The following KCNV1 variants were observed in gnomAD, a reference collection of about 807,000 sequenced individuals.
The protein encoded by KCNV1 is potassium voltage-gated channel subfamily V member 1.
KCNV1 carries 2 observed loss-of-function variants against 36.4 expected under a neutral mutation model. The observed-to-expected ratio is 0.05, with a 90% CI of 0.02 to 0.17. The LOEUF (loss-of-function observed/expected upper bound fraction) is 0.17, where lower values mean the gene tolerates loss of function less well. Among genes scored for constraint, KCNV1 ranks in the 10% least tolerant of loss-of-function variants. KCNV1 has a pLI of 1.00. For missense variants in KCNV1, 321 were observed against 643.6 expected, an observed-to-expected ratio of 0.50 and a Z score of 5.42; for synonymous variants, 280 against 261.1, an observed-to-expected ratio of 1.07 and a Z score of -0.70.
At position 109,974,052 on chromosome 8, in the gene KCNV1, C is replaced by T; in HGVS notation, c.337G>A (p.Val113Ile). The T allele has an allele frequency of 6.2e-7, 1 of 1,613,420 alleles. No individual in the cohort carries two copies. Among genetic ancestry groups the T allele is most frequent in the East Asian group, 2.2e-5 (1 of 44,876 alleles). The change falls in exon 2 of 4, where the codon GTC (valine) becomes ATC (isoleucine). Residue 113 changes from valine to isoleucine, a missense_variant. Physicochemically the swap from Val to Ile is conservative, Grantham distance 29 (BLOSUM62 3). This residue lies in a region of KCNV1 where 60 missense variants were observed against 160.5 expected (regional missense o/e 0.37). Coordinates refer to ENST00000524391, the MANE Select transcript of KCNV1 (RefSeq NM_014379.4). The surrounding 1 kb of genome is among the most constrained non-coding windows in gnomAD (Gnocchi z 6.2). Reference sequence around the variant, plus strand: ...CGGCCGGTGCGGTAGTAGTGCAGGACATATCGGAACGCCTGCGAGCTGCGG... The same window carrying T: ...CGGCCGGTGCGGTAGTAGTGCAGGATATATCGGAACGCCTGCGAGCTGCGG... ...FDRSSQAFRY[V>I]LHYYRTGRLH...
intron 2 of KCNV1, among the ~76,000 whole-genome samples, chr8:109,973,659 A>G (rs1026228941): frequency 8.5e-5 from 13 of 152,182 alleles, no homozygotes; most frequent in African/African-American, 3.1e-4. Context: ...CCAAATATTT[A>G]TTGTGGGCCT....
chr8:109,972,655 A>G lies in KCNV1; in HGVS notation c.594T>C (p.Asn198=). The part of the protein sequence containing the change: ...PCPTVRQKLW[N]ILEKPGSSTA... ...TGGAAGATCCAGGTTTCTCCAGGAT[A>G]TTCCAGAGCTTCTGGCGAACAGTGG... Residue 198 remains asparagine (N), a synonymous_variant, in exon 3 of 4, where the codon AAT becomes AAC. Coordinates refer to ENST00000524391, the MANE Select transcript of KCNV1 (RefSeq NM_014379.4). This position sits in a 1 kb window ranked among gnomAD's most constrained non-coding sequence, Gnocchi z 5.2. The G allele has an allele frequency of 1.9e-6, 3 of 1,614,192 alleles. No homozygotes were observed. Among genetic ancestry groups the G allele is most frequent in the South Asian group, 1.1e-5 (1 of 91,082 alleles).
intron 3 of KCNV1, among the ~76,000 whole-genome samples, chr8:109,971,846 G>A (rs573188473): frequency 2.2e-4 from 33 of 152,182 alleles, no homozygotes; most frequent in East Asian, 7.7e-4. Context: ...AGCACTTCTC[G>A]GATACTGAAG....
rs559448534 is a variant in KCNV1, at chr8:109,964,920, C to T, written c.*3168G>A. Reference sequence around the variant, plus strand: ...TTAATACCTGGGTGATGAAATAATCCGTGCAAAAAAACTCTCATGACACAA... The same window carrying T: ...TTAATACCTGGGTGATGAAATAATCTGTGCAAAAAAACTCTCATGACACAA... On this transcript the variant is annotated 3_prime_UTR_variant, in exon 4 of 4. Transcript: ENST00000524391. The T allele has an allele frequency of 2.0e-5, 3 of 152,138 alleles. No individual in the cohort carries two copies. Among genetic ancestry groups the T allele is most frequent in the African/African-American group, 7.2e-5 (3 of 41,516 alleles). The allele number at this position is 152,138 out of a possible 1,614,324, so 9.4% of individuals were successfully genotyped here.
At chr8:109,969,715 C>T (rs970155487) in intron 3 of KCNV1, among the ~76,000 whole-genome samples, 3 of 151,866 alleles carry the variant, frequency 2.0e-5, no homozygotes, top group East Asian at 1.9e-4. Context: ...CGTGGTGGTG[C>T]GTGCCTGTAA....
rs763134355 is a variant in KCNV1, at chr8:109,974,674, C to G, written c.-286G>C. 4.0e-6 allele frequency: 2 copies of G among 495,018 alleles called. No homozygotes were observed. The highest frequency in any genetic ancestry group is 7.7e-5 in the Admixed American group (2 of 26,078). The allele number at this position is 495,018 out of a possible 1,614,324, so 30.7% of individuals were successfully genotyped here. A position where few individuals can be genotyped will look rare whatever the true frequency, so the allele number is the denominator to read the frequency against. ...GAGAGGATCAGGTGAGGTCCAAGCCCGACACAGTCCCTGTGCACACTGCCG... is the reference window on the plus strand; with the variant it reads ...GAGAGGATCAGGTGAGGTCCAAGCCGGACACAGTCCCTGTGCACACTGCCG... On this transcript the variant is annotated 5_prime_UTR_variant, in exon 2 of 4. Transcript: ENST00000524391. This position sits in a 1 kb window ranked among gnomAD's most constrained non-coding sequence, Gnocchi z 6.2.
chr8:109,971,073 C>T (rs1244638337), intron 3 of KCNV1, among the ~76,000 whole-genome samples: 1 of 152,092 alleles, frequency 6.6e-6, no homozygotes, highest in Non-Finnish European at 1.5e-5. Flanking sequence ...GGACAACTAC[C>T]ATCAACCTTT....
Position 109,974,673 on chromosome 8 carries a change from C to A in KCNV1, c.-285G>T, listed in dbSNP as rs1820059273. 1 of 498,040 alleles carries A rather than the reference C, an allele frequency of 2.0e-6. No individual in the cohort carries two copies. The highest frequency in any genetic ancestry group is 3.5e-5 in the East Asian group (1 of 28,660). 30.9% of individuals were successfully genotyped at this position (498,040 alleles called of 1,614,324 possible). A position where few individuals can be genotyped will look rare whatever the true frequency, so the allele number is the denominator to read the frequency against. Reference sequence around the variant, plus strand: ...AGAGAGGATCAGGTGAGGTCCAAGCCCGACACAGTCCCTGTGCACACTGCC... The same window carrying A: ...AGAGAGGATCAGGTGAGGTCCAAGCACGACACAGTCCCTGTGCACACTGCC... On this transcript the variant is annotated 5_prime_UTR_variant, in exon 2 of 4. Coordinates refer to ENST00000524391, the MANE Select transcript of KCNV1 (RefSeq NM_014379.4). This position sits in a 1 kb window ranked among gnomAD's most constrained non-coding sequence, Gnocchi z 6.2.
At position 109,972,926 on chromosome 8, in the gene KCNV1, G is replaced by A. The variant is rs1820029698; in HGVS notation, c.462-139C>T. 1 of 634,572 alleles carries A rather than the reference G, an allele frequency of 1.6e-6. No individual in the cohort carries two copies. The highest frequency in any genetic ancestry group is 2.7e-6 in the Non-Finnish European group (1 of 372,578). The allele number at this position is 634,572 out of a possible 1,614,324, so 39.3% of individuals were successfully genotyped here. On this transcript the variant is annotated intron_variant, in intron 2 of 3. Coordinates refer to ENST00000524391, the MANE Select transcript of KCNV1 (RefSeq NM_014379.4). This position sits in a 1 kb window ranked among gnomAD's most constrained non-coding sequence, Gnocchi z 5.2. ...TGTCTATTCATATTTTACTTAGGTT[G>A]TGTCTTACCCACAGTATTCAGAATT...
chr8:109,974,297 T>A lies in KCNV1; in HGVS notation c.92A>T (p.Glu31Val). 1 of 1,545,780 alleles carries A rather than the reference T, an allele frequency of 6.5e-7. No homozygotes were observed. The highest frequency in any genetic ancestry group is 8.7e-7 in the Non-Finnish European group (1 of 1,149,212). ...GTCCCCGAGCGCCAAGGGCTCCCCT[T>A]CACCCTCGCTGCAGAAGACACTAGA... ...LDSSVFCSEG[E>V]GEPLALGDCF... Residue 31 changes from glutamate (E) to valine (V), a missense_variant, in exon 2 of 4, where the codon GAA becomes GTA. This residue lies in a region of KCNV1 where 39 missense variants were observed against 50.8 expected (regional missense o/e 0.77). Transcript: ENST00000524391. The surrounding 1 kb of genome is among the most constrained non-coding windows in gnomAD (Gnocchi z 6.2).
Position 109,968,726 on chromosome 8 carries a change from G to A in KCNV1, c.992-127C>T, listed in dbSNP as rs1263775710. The A allele has an allele frequency of 3.3e-6, 3 of 903,582 alleles. No individual in the cohort carries two copies. The highest frequency in any genetic ancestry group is 5.7e-5 in the Admixed American group (2 of 35,184). The allele number at this position is 903,582 out of a possible 1,614,324, so 56.0% of individuals were successfully genotyped here. ...TGCACACTTAAATGTCCCCAGCACT[G>A]GGCAATGTTCTGGGGATACAAAGTT... On this transcript the variant is annotated intron_variant, in intron 3 of 3. Transcript: ENST00000524391. The surrounding 1 kb of genome is among the most constrained non-coding windows in gnomAD (Gnocchi z 5.3).
chr8:109,969,852 G>GAAAAAAAAAAAAA (rs199693742), intron 3 of KCNV1, among the ~76,000 whole-genome samples: 3 of 86,482 alleles, frequency 3.5e-5, no homozygotes, highest in East Asian at 4.0e-4. Flanking sequence ...CTCAAAAAAA[G>GAAAAAAAAAAAAA]AAAAAAAAAA....
At position 109,972,125 on chromosome 8, in the gene KCNV1, G is replaced by T; in HGVS notation, c.991+133C>A. 1 of 917,860 alleles carries T rather than the reference G, an allele frequency of 1.1e-6. No individual in the cohort carries two copies. The highest frequency in any genetic ancestry group is 1.8e-5 in the South Asian group (1 of 54,926). 56.9% of individuals were successfully genotyped at this position (917,860 alleles called of 1,614,324 possible). A position where few individuals can be genotyped will look rare whatever the true frequency, so the allele number is the denominator to read the frequency against. ...TTTTGCCTCCCAATATCTCCTTAGAGGTCATGATCAGGTAAAGTATGGGAG... is the reference window on the plus strand; with the variant it reads ...TTTTGCCTCCCAATATCTCCTTAGATGTCATGATCAGGTAAAGTATGGGAG... On this transcript the variant is annotated intron_variant, in intron 3 of 3. Transcript: ENST00000524391. The surrounding 1 kb of genome is among the most constrained non-coding windows in gnomAD (Gnocchi z 5.2).
In KCNV1 at chr8:109,964,687, T is replaced by G. The variant is rs575596656; in HGVS notation, c.*3401A>C. 6.6e-6 allele frequency: 1 copy of G among 152,340 alleles called. No homozygotes were observed. Among genetic ancestry groups the G allele is most frequent in the African/African-American group, 2.4e-5 (1 of 41,584 alleles). 9.4% of individuals were successfully genotyped at this position (152,340 alleles called of 1,614,324 possible). On this transcript the variant is annotated 3_prime_UTR_variant, in exon 4 of 4. Coordinates refer to ENST00000524391, the MANE Select transcript of KCNV1 (RefSeq NM_014379.4). ...TATGAAAGAATGAGATCATGTCATT[T>G]GCAGGGACATGGATGGAGCTGGAGG... is the stretch of plus-strand genomic sequence containing the variant.
In KCNV1 at chr8:109,968,612, A is replaced by T; in HGVS notation, c.992-13T>A. 4.5e-6 allele frequency: 7 copies of T among 1,563,212 alleles called. No homozygotes were observed. The highest frequency in any genetic ancestry group is 4.4e-6 in the Non-Finnish European group (5 of 1,149,158). On this transcript the variant is annotated splice_polypyrimidine_tract_variant and intron_variant, in intron 3 of 3. Coordinates refer to ENST00000524391, the MANE Select transcript of KCNV1 (RefSeq NM_014379.4). The surrounding 1 kb of genome is among the most constrained non-coding windows in gnomAD (Gnocchi z 5.3). Reference sequence around the variant, plus strand: ...AGGGAGCGTAATCCTGCAACAGAACAAATGCTGTCAGTCATTGGCATCCCT... The same window carrying T: ...AGGGAGCGTAATCCTGCAACAGAACTAATGCTGTCAGTCATTGGCATCCCT...
rs1819929953 is a variant in KCNV1, at chr8:109,965,145, T to C, written c.*2943A>G. 6.6e-6 allele frequency: 1 copy of C among 152,304 alleles called. No homozygotes were observed. The highest frequency in any genetic ancestry group is 1.5e-5 in the Non-Finnish European group (1 of 68,050). 9.4% of individuals were successfully genotyped at this position (152,304 alleles called of 1,614,324 possible). A position where few individuals can be genotyped will look rare whatever the true frequency, so the allele number is the denominator to read the frequency against. On this transcript the variant is annotated 3_prime_UTR_variant, in exon 4 of 4. Transcript: ENST00000524391. ...ATGGTGTGAACCCAAGAGGTGGAGC[T>C]TGCAGTGAGCCGAGATCGCGCCACT...
rs959305646 is a variant in KCNV1 at position 109,964,485 on chromosome 8, C to A, written c.*3603G>T. ...AGAAATACCACTGGATCCAGCAATCCCATTAATGGGTATATACCCAAGAAA... is the reference window on the plus strand; with the variant it reads ...AGAAATACCACTGGATCCAGCAATCACATTAATGGGTATATACCCAAGAAA... On this transcript the variant is annotated 3_prime_UTR_variant, in exon 4 of 4. Coordinates refer to ENST00000524391, the MANE Select transcript of KCNV1 (RefSeq NM_014379.4). 7.9e-5 allele frequency: 12 copies of A among 152,094 alleles called. No individual in the cohort carries two copies. The highest frequency in any genetic ancestry group is 2.9e-4 in the African/African-American group (12 of 41,400). The allele number at this position is 152,094 out of a possible 1,614,324, so 9.4% of individuals were successfully genotyped here. A position where few individuals can be genotyped will look rare whatever the true frequency, so the allele number is the denominator to read the frequency against.
rs573101237 is a variant in KCNV1, at chr8:109,970,056, C to T, written c.992-1457G>A. On this transcript the variant is annotated intron_variant, in intron 3 of 3. Coordinates refer to ENST00000524391, the MANE Select transcript of KCNV1 (RefSeq NM_014379.4). ...ATCATTTTTTGTTTTTATTCACTCA[C>T]TAGAGACTATTTCAAAGGCATTAGC... 3.9e-5 allele frequency among the ~76,000 whole-genome samples: 6 copies of T among 152,228 alleles called. No homozygotes were observed. The South Asian group carries it at 1.2e-3, about 32-fold the overall frequency.
At position 109,975,078 on chromosome 8, in the gene KCNV1, G is replaced by C. The variant is rs1375677340; in HGVS notation, c.-690C>G. ...GTTCGCTGGGGGTGTGAGCAGGTGG[G>C]GGAGGGTTCTCTGGGTGAGGGGGCC... is the stretch of plus-strand genomic sequence containing the variant. On this transcript the variant is annotated 5_prime_UTR_variant, in exon 2 of 4. Coordinates refer to ENST00000524391, the MANE Select transcript of KCNV1 (RefSeq NM_014379.4). 6.6e-6 allele frequency: 1 copy of C among 152,340 alleles called. No homozygotes were observed. The highest frequency in any genetic ancestry group is 6.5e-5 in the Admixed American group (1 of 15,284). 9.4% of individuals were successfully genotyped at this position (152,340 alleles called of 1,614,324 possible). A position where few individuals can be genotyped will look rare whatever the true frequency, so the allele number is the denominator to read the frequency against.
Sources: allele counts gnomAD v4.1 joint callset (sites outside exome capture counted in the v4.1 genomes callset), GRCh38; gene constraint gnomAD v4.1.1; regional missense constraint gnomAD v4.1.1; non-coding constraint Gnocchi (gnomAD v3.1); transcripts MANE v1.5; gene names NCBI Gene and HGNC (gene_info 2026-07-23, HGNC 2026-07-21).